ESS2: variants seen among roughly 807,000 people sequenced by gnomAD.
ESS2 encodes ess-2 spliceosome associated protein, also known as splicing factor ESS-2 homolog.
A neutral mutation model predicts 52.0 loss-of-function variants in ESS2; 31 were observed. That is an observed-to-expected ratio of 0.60 (90% CI 0.45 to 0.81). ESS2 has a LOEUF of 0.81. ESS2 is among the 30% of genes least tolerant of loss of function. The pLI is 0.00. For synonymous variants in ESS2, 285 were observed against 259.2 expected, an observed-to-expected ratio of 1.10 and a Z score of -0.95; for missense variants, 602 against 637.2, an observed-to-expected ratio of 0.94 and a Z score of 0.59.
At position 19,132,447 on chromosome 22, in the gene ESS2, G is replaced by A. The variant is rs189384018; in HGVS notation, c.*1749C>T. On this transcript the variant is annotated 3_prime_UTR_variant, in exon 10 of 10. Transcript: ENST00000252137. This position sits in a 1 kb window ranked among gnomAD's most constrained non-coding sequence, Gnocchi z 4.2. ...CAGGGCCAAAGACCATCACATCTCC[G>A]GAGCTGAGGTGGGGAAAGCAAGCAC... 19 of 1,611,640 alleles carry A rather than the reference G, an allele frequency of 1.2e-5. No homozygotes were observed. Among genetic ancestry groups the A allele is most frequent in the South Asian group, 5.5e-5 (5 of 91,010 alleles).
In ESS2 at chr22:19,131,233, A is replaced by G; in HGVS notation, c.*2963T>C. 1 of 620,306 alleles carries G rather than the reference A, an allele frequency of 1.6e-6. No individual in the cohort carries two copies. The highest frequency in any genetic ancestry group is 2.8e-6 in the Non-Finnish European group (1 of 351,320). 38.4% of individuals were successfully genotyped at this position (620,306 alleles called of 1,614,324 possible). Reference sequence around the variant, plus strand: ...CCCCACTCCTTGGCTTTATGAGTTCATTGGCTGAAGTCACCCGGAGACAAT... The same window carrying G: ...CCCCACTCCTTGGCTTTATGAGTTCGTTGGCTGAAGTCACCCGGAGACAAT... On this transcript the variant is annotated 3_prime_UTR_variant, in exon 10 of 10. Transcript: ENST00000252137. This position sits in a 1 kb window ranked among gnomAD's most constrained non-coding sequence, Gnocchi z 5.7.
In ESS2 at chr22:19,139,505, T is replaced by A. The variant is rs544600437; in HGVS notation, c.688+107A>T. On this transcript the variant is annotated intron_variant, in intron 5 of 9. Transcript: ENST00000252137. Reference sequence around the variant, plus strand: ...ACCAGTACCCATCAGAAGCCCAAACTGCAAGGGGGCACGGCCATACACACC... The same window carrying A: ...ACCAGTACCCATCAGAAGCCCAAACAGCAAGGGGGCACGGCCATACACACC... 3.1e-6 allele frequency: 4 copies of A among 1,298,916 alleles called. No individual in the cohort carries two copies. In the East Asian group the frequency reaches 9.2e-5, roughly 30 times the overall value. 80.5% of individuals were successfully genotyped at this position (1,298,916 alleles called of 1,614,324 possible).
chr22:19,134,495 G>A lies in ESS2; in HGVS notation c.1152-20C>T. 1 of 1,515,044 alleles carries A rather than the reference G, an allele frequency of 6.6e-7. No individual in the cohort carries two copies. The highest frequency in any genetic ancestry group is 8.8e-7 in the Non-Finnish European group (1 of 1,131,494). The allele number at this position is 1,515,044 out of a possible 1,614,324, so 93.9% of individuals were successfully genotyped here. A position where few individuals can be genotyped will look rare whatever the true frequency, so the allele number is the denominator to read the frequency against. ...GTGAGGCTGGGGTGGAGGAATGGGT[G>A]AGAGAGGCAGGGTTAGGTGGGCTGA... is the stretch of plus-strand genomic sequence containing the variant. On this transcript the variant is annotated intron_variant, in intron 9 of 9. Transcript: ENST00000252137.
At chr22:19,135,543 T>C (rs1319121867) in intron 8 of ESS2, among the ~76,000 whole-genome samples, 1 of 152,206 alleles carries the variant, frequency 6.6e-6, no homozygotes, top group Non-Finnish European at 1.5e-5. Context: ...AGGGGCTCAT[T>C]TTCCTTTTCT....
rs1254371661 is a variant in ESS2, at chr22:19,131,713, A to G, written c.*2483T>C. 1 of 1,614,062 alleles carries G rather than the reference A, an allele frequency of 6.2e-7. No individual in the cohort carries two copies. The highest frequency in any genetic ancestry group is 8.5e-7 in the Non-Finnish European group (1 of 1,179,984). On this transcript the variant is annotated 3_prime_UTR_variant, in exon 10 of 10. Transcript: ENST00000252137. This position sits in a 1 kb window ranked among gnomAD's most constrained non-coding sequence, Gnocchi z 5.7. ...GACCTCCTCGAGTTCATCAAGTGCCAGGGAGCCCTGCATGAGGACGTGGCA... is the reference window on the plus strand; with the variant it reads ...GACCTCCTCGAGTTCATCAAGTGCCGGGGAGCCCTGCATGAGGACGTGGCA...
chr22:19,138,636 G>A (rs1284675973), intron 6 of ESS2, among the ~76,000 whole-genome samples: 2 of 152,150 alleles, frequency 1.3e-5, no homozygotes, highest in South Asian at 4.1e-4. Flanking sequence ...CCCTGCAGGG[G>A]GCAATGCTGA....
Position 19,131,546 on chromosome 22 carries a change from T to C in ESS2, c.*2650A>G. The C allele has an allele frequency of 6.2e-7, 1 of 1,614,132 alleles. No homozygotes were observed. The highest frequency in any genetic ancestry group is 8.5e-7 in the Non-Finnish European group (1 of 1,180,026). ...AGATCATCGACCGCAAGAAAACACC[T>C]ACTGACTTTGTGGAGAGATTCCTTC... On this transcript the variant is annotated 3_prime_UTR_variant, in exon 10 of 10. Coordinates refer to ENST00000252137, the MANE Select transcript of ESS2 (RefSeq NM_022719.3). This position sits in a 1 kb window ranked among gnomAD's most constrained non-coding sequence, Gnocchi z 5.7.
chr22:19,144,429 C>G lies in ESS2; in HGVS notation c.135+77G>C, dbSNP rs543459947. 2.5e-4 allele frequency: 407 copies of G among 1,600,334 alleles called. No homozygotes were observed. The African/African-American group carries it at 5.1e-3, about 20-fold the overall frequency. On this transcript the variant is annotated intron_variant, in intron 1 of 9. Coordinates refer to ENST00000252137, the MANE Select transcript of ESS2 (RefSeq NM_022719.3). ...CCACGAGGAGACGGAGTGTCAACACCCGAGAGAGGGAACCTGAGAGGAGCT... is the reference window on the plus strand; with the variant it reads ...CCACGAGGAGACGGAGTGTCAACACGCGAGAGAGGGAACCTGAGAGGAGCT...
Position 19,132,479 on chromosome 22 carries a change from T to C in ESS2, c.*1717A>G, listed in dbSNP as rs2083520078. Reference sequence around the variant, plus strand: ...AGGTGGGGAAAGCAAGCACCTAGCATGACAATGGCCCCGTTGTGTGTGGTG... The same window carrying C: ...AGGTGGGGAAAGCAAGCACCTAGCACGACAATGGCCCCGTTGTGTGTGGTG... On this transcript the variant is annotated 3_prime_UTR_variant, in exon 10 of 10. Coordinates refer to ENST00000252137, the MANE Select transcript of ESS2 (RefSeq NM_022719.3). This position sits in a 1 kb window ranked among gnomAD's most constrained non-coding sequence, Gnocchi z 4.2. 1.9e-6 allele frequency: 3 copies of C among 1,604,712 alleles called. No homozygotes were observed. Among genetic ancestry groups the C allele is most frequent in the South Asian group, 2.2e-5 (2 of 90,000 alleles).
intron 3 of ESS2, 94 bp from the exon 4 acceptor site, chr22:19,140,118 AG>A: frequency 1.4e-6 from 2 of 1,456,028 alleles, no homozygotes; most frequent in South Asian, 1.2e-5. Flanking sequence ...CCCAACATGC[AG>A]GGCTGGAATC....
intron 8 of ESS2, among the ~76,000 whole-genome samples, chr22:19,135,974 C>T (rs1372049527): frequency 6.9e-6 from 1 of 145,482 alleles, no homozygotes; most frequent in African/African-American, 2.5e-5. Flanking sequence ...ATGTTACAAT[C>T]AGCTATGATT....
rs1015819000 is a variant in ESS2 at position 19,130,514 on chromosome 22, A to G, written c.*3682T>C. ...CGATTAAAAGGGGCCCAGTGCCTTC[A>G]AGGCCTGTCTACTGTGGTACCGGAG... On this transcript the variant is annotated 3_prime_UTR_variant, in exon 10 of 10. Coordinates refer to ENST00000252137, the MANE Select transcript of ESS2 (RefSeq NM_022719.3). 2.7e-6 allele frequency: 1 copy of G among 373,208 alleles called. No homozygotes were observed. Among genetic ancestry groups the G allele is most frequent in the Non-Finnish European group, 5.1e-6 (1 of 197,102 alleles). The allele number at this position is 373,208 out of a possible 1,614,324, so 23.1% of individuals were successfully genotyped here.
At position 19,139,837 on chromosome 22, in the gene ESS2, C is replaced by G; in HGVS notation, c.570+18G>C. The stretch of plus-strand genomic sequence containing the variant: ...GAGGGTGCCTACGCCTATGTGACAC[C>G]CCAGACCCCAGAGACACCTTCTCAA... On this transcript the variant is annotated intron_variant, in intron 4 of 9. Transcript: ENST00000252137. 6.2e-7 allele frequency: 1 copy of G among 1,614,020 alleles called. No homozygotes were observed. Among genetic ancestry groups the G allele is most frequent in the South Asian group, 1.1e-5 (1 of 91,090 alleles).
At chr22:19,138,411 T>G (rs1341180352) in intron 6 of ESS2, 94 bp from the exon 7 acceptor site, 18 of 1,174,998 alleles carry the variant, frequency 1.5e-5, no homozygotes, top group Non-Finnish European at 2.2e-5. Context: ...CTGGAAACAC[T>G]TCCTCTCCTC....
chr22:19,142,817 G>A lies in ESS2; in HGVS notation c.213C>T (p.Ala71=), dbSNP rs759628115. The A allele has an allele frequency of 1.6e-5, 26 of 1,613,968 alleles. No individual in the cohort carries two copies. In the East Asian group the frequency reaches 2.9e-4, roughly 18 times the overall value. The change falls in exon 2 of 10, where the codon GCC becomes GCT. Residue 71 remains alanine, a synonymous_variant. Coordinates refer to ENST00000252137, the MANE Select transcript of ESS2 (RefSeq NM_022719.3). ...KLQAQKEYLE[A]EENGDLERMR... ...TCCGTTCCAAGTCTCCATTCTCCTC[G>A]GCTTCCAGGTACTCCTTCTGTGCCT...
chr22:19,138,083 C>A, intron 7 of ESS2, 132 bp downstream of exon 7: 1 of 1,501,946 alleles, frequency 6.7e-7, no homozygotes, highest in South Asian at 1.3e-5. Context: ...AGACAGGAGA[C>A]CAGGTCCCTG....
intron 9 of ESS2, 32 bp downstream of exon 9, chr22:19,135,028 C>T (rs939840993): frequency 1.9e-6 from 3 of 1,596,570 alleles, no homozygotes; most frequent in Admixed American, 3.3e-5. Context: ...GAGCCACCCT[C>T]GCACTTCCCC....
intron 8 of ESS2, among the ~76,000 whole-genome samples, chr22:19,136,200 A>C (rs564828306): frequency 0.014 from 2,056 of 152,234 alleles, 38 homozygotes; most frequent in South Asian, 0.058. Context: ...CATCTCTACT[A>C]AAAATACAAA....
rs935955986 is a variant in ESS2, at chr22:19,131,891, C to T, written c.*2305G>A. ...GCTTCTCCAAGCGCTGCCTGCGGGA[C>T]AGCAATGGGCGCATCATCCTCAGCA... On this transcript the variant is annotated 3_prime_UTR_variant, in exon 10 of 10. Transcript: ENST00000252137. The surrounding 1 kb of genome is among the most constrained non-coding windows in gnomAD (Gnocchi z 5.7). The T allele has an allele frequency of 6.2e-7, 1 of 1,614,112 alleles. No individual in the cohort carries two copies. Among genetic ancestry groups the T allele is most frequent in the South Asian group, 1.1e-5 (1 of 91,078 alleles).
Sources: allele counts gnomAD v4.1 joint callset (sites outside exome capture counted in the v4.1 genomes callset), GRCh38; gene constraint gnomAD v4.1.1; non-coding constraint Gnocchi (gnomAD v3.1); transcripts MANE v1.5; gene names NCBI Gene and HGNC (gene_info 2026-07-23, HGNC 2026-07-21).